The following CTSF variants were observed in gnomAD, a reference collection of about 807,000 sequenced individuals.
CTSF encodes cathepsin F.
Under a neutral mutation model 63.5 loss-of-function variants are expected in CTSF, and 65 were observed. The observed-to-expected ratio is 1.02, with a 90% CI of 0.84 to 1.26. CTSF has a LOEUF of 1.26. Among genes scored for constraint, CTSF ranks in the 50% most tolerant of loss-of-function variants. The pLI, the probability that CTSF is intolerant of heterozygous loss-of-function variation, is 0.00. For synonymous variants in CTSF, 256 were observed against 258.1 expected (o/e 0.99, Z 0.08); for missense variants, 641 against 631.0 (o/e 1.02, Z -0.17).
chr11:66,568,289 G>C lies in CTSF; in HGVS notation c.198C>G (p.Arg66=), dbSNP rs1214565829. 6.7e-7 allele frequency: 1 copy of C among 1,487,798 alleles called. No individual in the cohort carries two copies. Among genetic ancestry groups the C allele is most frequent in the Non-Finnish European group, 8.9e-7 (1 of 1,126,024 alleles). The allele number at this position is 1,487,798 out of a possible 1,614,324, so 92.2% of individuals were successfully genotyped here. The change falls in exon 1 of 13, where the codon CGC becomes CGG. Residue 66 remains arginine, a synonymous_variant. Coordinates refer to ENST00000310325, the MANE Select transcript of CTSF (RefSeq NM_003793.4). The stretch of plus-strand genomic sequence containing the variant: ...GCGTCCTCACCCGGCGGACGCGGCC[G>C]CGCACAAGGCCCAGCACGGCCCGCG... ...AGTRAVLGLV[R]GRVRRAGQGS...
rs774742010 is a variant in CTSF, at chr11:66,565,687, C to G, written c.1029G>C (p.Ser343=). 1 of 1,613,404 alleles carries G rather than the reference C, an allele frequency of 6.2e-7. No homozygotes were observed. The highest frequency in any genetic ancestry group is 1.1e-5 in the South Asian group (1 of 91,074). The change falls in exon 8 of 13, where the codon TCG becomes TCC. Residue 343 remains serine (S), a synonymous_variant. Coordinates refer to ENST00000310325, the MANE Select transcript of CTSF (RefSeq NM_003793.4). ...CMGGLPSNAY[S]AIKNLGGLET... ...AATGCATACCCAAATTCTTTATGGCCGAGTAGGCATTGGAGGGCAAGCCGC... is the reference window on the plus strand; with the variant it reads ...AATGCATACCCAAATTCTTTATGGCGGAGTAGGCATTGGAGGGCAAGCCGC...
At position 66,565,508 on chromosome 11, in the gene CTSF, T is replaced by C. The variant is rs527809204; in HGVS notation, c.1045+163A>G. Among the ~76,000 whole-genome samples the C allele has an allele frequency of 2.4e-4, 37 of 152,212 alleles. No individual in the cohort carries two copies. The South Asian group carries it at 7.3e-3, about 30-fold the overall frequency. The stretch of plus-strand genomic sequence containing the variant: ...CTTCCCAAGTTGGCCTCCCAAAGTG[T>C]TGGAATTACAGGCATGAGCCACCAC... On this transcript the variant is annotated intron_variant, in intron 8 of 12. Transcript: ENST00000310325.
rs1331896102 is a variant in CTSF, at chr11:66,566,113, T to C, written c.776A>G (p.Asn259Ser). 1 of 1,614,158 alleles carries C rather than the reference T, an allele frequency of 6.2e-7. No individual in the cohort carries two copies. The highest frequency in any genetic ancestry group is 8.5e-7 in the Non-Finnish European group (1 of 1,180,012). ...LNTLLRKEPG[N>S]KMKQAKSVGD... ...CACAGACTTGGCTTGCTTCATCTTG[T>C]TGCCAGGCTCTTTCCTCAGGAGAGT... is the stretch of plus-strand genomic sequence containing the variant. Residue 259 changes from asparagine to serine, a missense_variant, in exon 6 of 13, where the codon AAC becomes AGC. Physicochemically the swap from Asn to Ser is conservative, Grantham distance 46. Coordinates refer to ENST00000310325, the MANE Select transcript of CTSF (RefSeq NM_003793.4).
In CTSF at chr11:66,564,616, C is replaced by T. The variant is rs768353764; in HGVS notation, c.1263G>A (p.Arg421=). The part of the protein sequence containing the change: ...FYRHGISRPL[R]PLCSPWLIDH... ...CAATGAGCCAAGGGCTGCAGAGGGG[C>T]CGGAGAGGGCGGGAGATCCCGTGGC... Residue 421 remains arginine, a synonymous_variant, in exon 11 of 13, where the codon CGG becomes CGA. Transcript: ENST00000310325. 1.6e-5 allele frequency: 25 copies of T among 1,603,140 alleles called. No homozygotes were observed. Among genetic ancestry groups the T allele is most frequent in the Non-Finnish European group, 2.1e-5 (25 of 1,175,150 alleles).
rs189862070 is a variant in CTSF at position 66,565,710 on chromosome 11, C to T, written c.1006G>A (p.Gly336Ser). Residue 336 changes from glycine to serine, a missense_variant, in exon 8 of 13, where the codon GGC becomes AGC. By Grantham distance (56) the Gly-to-Ser change is moderately conservative. Coordinates refer to ENST00000310325, the MANE Select transcript of CTSF (RefSeq NM_003793.4). Reference protein sequence around the residue: ...CDKMDKACMGGLPSNAYSAIK... With the variant: ...CDKMDKACMGSLPSNAYSAIK... ...GCCGAGTAGGCATTGGAGGGCAAGC[C>T]GCCCATGCAGGCCTTGTCCATCTTG... 13 of 1,613,758 alleles carry T rather than the reference C, an allele frequency of 8.1e-6. No individual in the cohort carries two copies. The highest frequency in any genetic ancestry group is 6.7e-5 in the East Asian group (3 of 44,884).
chr11:66,566,199 G>A, intron 5 of CTSF, 32 bp from the exon 6 acceptor site: 3 of 1,613,950 alleles, frequency 1.9e-6, no homozygotes, highest in Non-Finnish European at 2.5e-6. Flanking sequence ...GCATGGGGAG[G>A]AAGAGTGTTC....
rs549953965 is a variant in CTSF, at chr11:66,566,301, A to C, written c.711T>G (p.Ser237Arg). 6.2e-7 allele frequency: 1 copy of C among 1,614,130 alleles called. No homozygotes were observed. Among genetic ancestry groups the C allele is most frequent in the Non-Finnish European group, 8.5e-7 (1 of 1,180,030 alleles). Residue 237 changes from serine to arginine, a missense_variant, in exon 5 of 13, where the codon AGT becomes AGG. Physicochemically the swap from Ser to Arg is moderately radical, Grantham distance 110. Transcript: ENST00000310325. ...GTAQYGVTKF[S>R]DLTEEEFRTI... ...GGCCACTATCCCTACCTGTGAGATC[A>C]CTGAACTTGGTGACTCCATACTGAG... is the stretch of plus-strand genomic sequence containing the variant.
intron 3 of CTSF, 27 bp downstream of exon 3, chr11:66,567,417 G>A: frequency 1.2e-6 from 2 of 1,602,132 alleles, no homozygotes; most frequent in Non-Finnish European, 1.7e-6. Flanking sequence ...CTCAAGCTGA[G>A]GGCTCCTCAA....
chr11:66,566,298 A>T lies in CTSF; in HGVS notation c.714T>A (p.Asp238Glu). ...TAQYGVTKFS[D>E]LTEEEFRTIY... ...TGTGGCCACTATCCCTACCTGTGAG[A>T]TCACTGAACTTGGTGACTCCATACT... The change falls in exon 5 of 13, where the codon GAT becomes GAA. Residue 238 changes from aspartate (D) to glutamate (E), a missense_variant. Transcript: ENST00000310325. 6.2e-7 allele frequency: 1 copy of T among 1,614,050 alleles called. No homozygotes were observed. Among genetic ancestry groups the T allele is most frequent in the African/African-American group, 1.3e-5 (1 of 75,000 alleles).
rs773768971 is a variant in CTSF, at chr11:66,566,264, C to A, written c.721+27G>T. On this transcript the variant is annotated intron_variant, in intron 5 of 12. Transcript: ENST00000310325. ...GCAAGGTCCTGTCTCTTCCTGGATC[C>A]ATGAGGACTGTGGCCACTATCCCTA... The A allele has an allele frequency of 1.5e-5, 24 of 1,613,904 alleles. No homozygotes were observed. In the South Asian group the frequency reaches 2.4e-4, roughly 16 times the overall value.
chr11:66,564,576 G>A lies in CTSF; in HGVS notation c.1303C>T (p.Leu435Phe). 6.3e-7 allele frequency: 1 copy of A among 1,575,006 alleles called. No individual in the cohort carries two copies. The highest frequency in any genetic ancestry group is 8.6e-7 in the Non-Finnish European group (1 of 1,160,866). Residue 435 changes from leucine to phenylalanine, a missense_variant, in exon 11 of 13, where the codon CTT (leucine) becomes TTT (phenylalanine). Physicochemically the swap from Leu to Phe is conservative, Grantham distance 22. Coordinates refer to ENST00000310325, the MANE Select transcript of CTSF (RefSeq NM_003793.4). ...SPWLIDHAVL[L>F]VGYGNRSDVP... is the part of the protein sequence containing the mutation. ...AACTCACGGTTGCCGTAGCCCACAA[G>A]CAACACCGCATGGTCAATGAGCCAA...
At position 66,564,641 on chromosome 11, in the gene CTSF, C is replaced by T. The variant is rs145087378; in HGVS notation, c.1238G>A (p.Arg413His). ...AINAFGMQFY[R>H]HGISRPLRPL... ...CCGGAGAGGGCGGGAGATCCCGTGG[C>T]GGTAAAACTGGAGGTGGAGAAGGAG... is the stretch of plus-strand genomic sequence containing the variant. Residue 413 changes from arginine (R) to histidine (H), a missense_variant, in exon 11 of 13, where the codon CGC becomes CAC. By Grantham distance (29) the Arg-to-His change is conservative (BLOSUM62 0). Coordinates refer to ENST00000310325, the MANE Select transcript of CTSF (RefSeq NM_003793.4). The T allele has an allele frequency of 2.1e-5, 34 of 1,610,234 alleles. No individual in the cohort carries two copies. The highest frequency in any genetic ancestry group is 2.0e-4 in the South Asian group (18 of 90,510).
rs373234919 is a variant in CTSF, at chr11:66,565,931, C to T, written c.868-4G>A. ...CCCAGCAGGAGCCACACATGCCCTA[C>T]AAGAGATGGGTGGAGTTGGAGTCAG... On this transcript the variant is annotated splice_polypyrimidine_tract_variant and splice_region_variant and intron_variant, in intron 6 of 12. Coordinates refer to ENST00000310325, the MANE Select transcript of CTSF (RefSeq NM_003793.4). 2.2e-5 allele frequency: 35 copies of T among 1,614,028 alleles called. No homozygotes were observed. The African/African-American group carries it at 4.3e-4, about 20-fold the overall frequency.
At chr11:66,566,872 G>A (rs745603652) in intron 4 of CTSF, among the ~76,000 whole-genome samples, 4 of 152,072 alleles carry the variant, frequency 2.6e-5, no homozygotes, top group East Asian at 1.9e-4. Context: ...ACAGGTGTGC[G>A]CCACCACACC....
chr11:66,563,797 T>C lies in CTSF; in HGVS notation c.*136A>G. On this transcript the variant is annotated 3_prime_UTR_variant, in exon 13 of 13. Transcript: ENST00000310325. ...AAGCAGGGGCTGTGCCCCAGCCCAG[T>C]GCCCTCTGCTCACCCTGAGGTACCC... is the stretch of plus-strand genomic sequence containing the variant. 9.4e-7 allele frequency: 1 copy of C among 1,060,364 alleles called. No homozygotes were observed. The highest frequency in any genetic ancestry group is 1.4e-6 in the Non-Finnish European group (1 of 729,354). 65.7% of individuals were successfully genotyped at this position (1,060,364 alleles called of 1,614,324 possible). A position where few individuals can be genotyped will look rare whatever the true frequency, so the allele number is the denominator to read the frequency against.
chr11:66,567,779 C>T (rs935610201), intron 2 of CTSF, 117 bp from the exon 3 acceptor site: 2 of 1,447,694 alleles, frequency 1.4e-6, no homozygotes, highest in African/African-American at 1.4e-5. Flanking sequence ...GCAATCACCC[C>T]ATCACAGTGG....
At position 66,568,277 on chromosome 11, in the gene CTSF, G is replaced by T. The variant is rs776743265; in HGVS notation, c.210C>A (p.Arg70=). The part of the protein sequence containing the change: ...AVLGLVRGRV[R]RAGQGSLYSL... Reference sequence around the variant, plus strand: ...CCCGCCCCCGGCGCGTCCTCACCCGGCGGACGCGGCCGCGCACAAGGCCCA... The same window carrying T: ...CCCGCCCCCGGCGCGTCCTCACCCGTCGGACGCGGCCGCGCACAAGGCCCA... Residue 70 remains arginine, a synonymous_variant, in exon 1 of 13, where the codon CGC becomes CGA. Coordinates refer to ENST00000310325, the MANE Select transcript of CTSF (RefSeq NM_003793.4). The T allele has an allele frequency of 3.3e-6, 5 of 1,500,118 alleles. No homozygotes were observed. Among genetic ancestry groups the T allele is most frequent in the Non-Finnish European group, 4.4e-6 (5 of 1,131,688 alleles). 92.9% of individuals were successfully genotyped at this position (1,500,118 alleles called of 1,614,324 possible). A position where few individuals can be genotyped will look rare whatever the true frequency, so the allele number is the denominator to read the frequency against.
Position 66,566,128 on chromosome 11 carries a change from C to T in CTSF, c.761G>A (p.Arg254Lys), listed in dbSNP as rs769512466. 2 of 1,614,122 alleles carry T rather than the reference C, an allele frequency of 1.2e-6. No homozygotes were observed. Among genetic ancestry groups the T allele is most frequent in the East Asian group, 2.2e-5 (1 of 44,882 alleles). Residue 254 changes from arginine to lysine, a missense_variant, in exon 6 of 13, where the codon AGG (arginine) becomes AAG (lysine). Coordinates refer to ENST00000310325, the MANE Select transcript of CTSF (RefSeq NM_003793.4). ...FRTIYLNTLL[R>K]KEPGNKMKQA... is the part of the protein sequence containing the mutation. The stretch of plus-strand genomic sequence containing the variant: ...CTTCATCTTGTTGCCAGGCTCTTTC[C>T]TCAGGAGAGTATTCAGGTAGATAGT...
chr11:66,565,524 G>A (rs1857908721), intron 8 of CTSF, 147 bp downstream of exon 8: 1 of 1,152,032 alleles, frequency 8.7e-7, no homozygotes, highest in Non-Finnish European at 1.3e-6. Context: ...TTACAGGCAT[G>A]AGCCACCACG....
Sources: gnomAD v4.1 joint callset for allele counts (sites outside exome capture counted in the v4.1 genomes callset) on GRCh38, gnomAD v4.1.1 for gene constraint, MANE v1.5 for transcripts, NCBI Gene and HGNC (gene_info 2026-07-23, HGNC 2026-07-21) for gene names.